CFTR: variants seen among roughly 807,000 people sequenced by gnomAD.
CFTR encodes CF transmembrane conductance regulator.
In CFTR, 181 loss-of-function variants were observed where a neutral mutation model predicts 171.6. The observed-to-expected ratio is 1.05, with a 90% CI of 0.93 to 1.19. The LOEUF (loss-of-function observed/expected upper bound fraction) is 1.19, where lower values mean the gene tolerates loss of function less well. Ranked by LOEUF, CFTR falls within the 50% of genes most tolerant of loss-of-function variation. The probability of loss-of-function intolerance (pLI) is 0.00; values close to 1 mark genes in which losing one functional copy is unlikely to be tolerated. For synonymous variants in CFTR, 583 were observed against 608.0 expected, an observed-to-expected ratio of 0.96 and a Z score of 0.60; for missense variants, 1,968 against 1,734.7, an observed-to-expected ratio of 1.13 and a Z score of -2.39.
chr7:117,614,313 T>C (rs1792449655), intron 20 of CFTR, among the ~76,000 whole-genome samples: 1 of 152,112 alleles, frequency 6.6e-6, no homozygotes, highest in Non-Finnish European at 1.5e-5. Context: ...AAGAGACAAA[T>C]ATGGTACCTA....
At chr7:117,548,596 T>C (rs1460962188) in intron 9 of CFTR, 45 bp from the exon 10 acceptor site, 9 of 1,581,988 alleles carry the variant, frequency 5.7e-6, no homozygotes, top group Non-Finnish European at 7.7e-6. Context: ...AAACTCATCT[T>C]TTATTTTTGA....
intron 24 of CFTR, among the ~76,000 whole-genome samples, chr7:117,653,417 A>G (rs1793117335): frequency 6.6e-6 from 1 of 152,156 alleles, no homozygotes; most frequent in Non-Finnish European, 1.5e-5. Flanking sequence ...GTCTCGTGAG[A>G]GCATACTTCC....
chr7:117,488,412 C>T lies in CFTR; in HGVS notation c.53+8265C>T, dbSNP rs553342526. Among the ~76,000 whole-genome samples, 115 of 152,060 alleles carry T rather than the reference C, an allele frequency of 7.6e-4. No individual in the cohort carries two copies. In the South Asian group the frequency reaches 0.023, roughly 30 times the overall value. On this transcript the variant is annotated intron_variant, in intron 1 of 26. Transcript: ENST00000003084. ...AAAGTAAGTGAAACATTTAGACATGCAAAATGGACTTTTCAGAAGAAGAAA... is the reference window on the plus strand; with the variant it reads ...AAAGTAAGTGAAACATTTAGACATGTAAAATGGACTTTTCAGAAGAAGAAA...
Position 117,585,970 on chromosome 7 carries a change from G to A in CFTR, c.1585-1769G>A, listed in dbSNP as rs1037190192. Among the ~76,000 whole-genome samples the A allele has an allele frequency of 1.2e-4, 19 of 152,144 alleles. No homozygotes were observed. In the East Asian group the frequency reaches 1.3e-3, roughly 11 times the overall value. ...GATTTAGTTTTTAAAAAGAGAATAC[G>A]ATTTGAAAAAGGAAAAATGTGAGGC... is the stretch of plus-strand genomic sequence containing the variant. On this transcript the variant is annotated intron_variant, in intron 11 of 26. Coordinates refer to ENST00000003084, the MANE Select transcript of CFTR (RefSeq NM_000492.4).
chr7:117,605,533 T>C (rs1330286305), intron 17 of CFTR, among the ~76,000 whole-genome samples: 1 of 152,194 alleles, frequency 6.6e-6, no homozygotes, highest in Non-Finnish European at 1.5e-5. Flanking sequence ...ATAGTCATTA[T>C]AACAGAGGTG....
chr7:117,513,789 C>G (rs980234825), intron 3 of CFTR, among the ~76,000 whole-genome samples: 1 of 152,104 alleles, frequency 6.6e-6, no homozygotes, highest in African/African-American at 2.4e-5. Context: ...TTCTGTCTCA[C>G]CCCCTTATCT....
chr7:117,503,384 C>G (rs907046245), intron 1 of CFTR, among the ~76,000 whole-genome samples: 1 of 152,178 alleles, frequency 6.6e-6, no homozygotes, highest in Non-Finnish European at 1.5e-5. Flanking sequence ...AGAAAGCTCT[C>G]GTGCTCTCGA....
Position 117,533,262 on chromosome 7 carries a change from C to T in CFTR, c.490-1014C>T, listed in dbSNP as rs182693624. 6.5e-4 allele frequency among the ~76,000 whole-genome samples: 99 copies of T among 152,114 alleles called. 3 individuals are homozygous for T. The highest frequency in any genetic ancestry group is 6.8e-3 in the Middle Eastern group (2 of 294). ...TCTGATAATGTTTTGGAATTAACTG[C>T]CTTGATTCCTTCTTTTCTCTGCTTG... On this transcript the variant is annotated intron_variant, in intron 4 of 26. Transcript: ENST00000003084.
intron 1 of CFTR, among the ~76,000 whole-genome samples, chr7:117,491,481 A>G (rs554453681): frequency 6.6e-6 from 1 of 152,238 alleles, no homozygotes; most frequent in East Asian, 1.9e-4. Context: ...TTTGAAGACT[A>G]GAAGTACAAG....
intron 3 of CFTR, among the ~76,000 whole-genome samples, chr7:117,524,173 T>C (rs1026589098): frequency 7.9e-5 from 12 of 152,202 alleles, no homozygotes; most frequent in Admixed American, 7.2e-4. Flanking sequence ...ATATAAAGAA[T>C]TGACTTTATA....
At chr7:117,587,672 A>G in intron 11 of CFTR, 67 bp from the exon 12 acceptor site, 1 of 898,642 alleles carries the variant, frequency 1.1e-6, no homozygotes, top group Non-Finnish European at 1.9e-6. Flanking sequence ...TAGAAGGAAG[A>G]TGTGCCTTTC....
At chr7:117,585,215 C>A (rs945024065) in intron 11 of CFTR, among the ~76,000 whole-genome samples, 10 of 151,516 alleles carry the variant, frequency 6.6e-5, no homozygotes, top group Non-Finnish European at 4.4e-5. Context: ...TATTTATTTT[C>A]TTCTATGTAC....
At chr7:117,556,296 C>T (rs1394726875) in intron 10 of CFTR, among the ~76,000 whole-genome samples, 2 of 151,908 alleles carry the variant, frequency 1.3e-5, no homozygotes, top group Non-Finnish European at 2.9e-5. Flanking sequence ...ATCTCTTGAC[C>T]TCATGATCTG....
intron 3 of CFTR, among the ~76,000 whole-genome samples, chr7:117,517,334 T>C (rs995814600): frequency 6.6e-6 from 1 of 152,172 alleles, no homozygotes; most frequent in Non-Finnish European, 1.5e-5. Context: ...TGTGTTAGTT[T>C]GCTGAGAATG....
chr7:117,559,461 C>A lies in CFTR; in HGVS notation c.1393-3C>A, dbSNP rs748694761. The A allele has an allele frequency of 2.5e-6, 4 of 1,592,420 alleles. No individual in the cohort carries two copies. The East Asian group carries it at 6.7e-5, about 27-fold the overall frequency. On this transcript the variant is annotated splice_region_variant and splice_polypyrimidine_tract_variant and intron_variant, in intron 10 of 26. Coordinates refer to ENST00000003084, the MANE Select transcript of CFTR (RefSeq NM_000492.4). ...ACCTAATAATGATGGGTTTTATTTC[C>A]AGACTTCACTTCTAATGGTGATTAT...
At chr7:117,503,057 C>A (rs1798357311) in intron 1 of CFTR, among the ~76,000 whole-genome samples, 1 of 152,178 alleles carries the variant, frequency 6.6e-6, no homozygotes, top group Admixed American at 6.5e-5. Flanking sequence ...ATGAGGGCCA[C>A]TGGCAAAGTT....
At chr7:117,571,611 A>T (rs550054785) in intron 11 of CFTR, among the ~76,000 whole-genome samples, 235 of 152,282 alleles carry the variant, frequency 1.5e-3, no homozygotes, top group African/African-American at 5.1e-3. Flanking sequence ...AAAATAAAAT[A>T]GTTTGTTTGT....
chr7:117,644,711 T>C (rs568267843), intron 23 of CFTR, among the ~76,000 whole-genome samples: 1 of 152,280 alleles, frequency 6.6e-6, no homozygotes, highest in South Asian at 2.1e-4. Context: ...TTTTGTTTTG[T>C]TTTATTAATG....
chr7:117,587,428 G>T (rs968068110), intron 11 of CFTR, among the ~76,000 whole-genome samples: 2 of 128,592 alleles, frequency 1.6e-5, no homozygotes, highest in African/African-American at 5.8e-5. Flanking sequence ...TGGACCTATG[G>T]ATGATCTACA....
Sources: allele counts gnomAD v4.1 joint callset (sites outside exome capture counted in the v4.1 genomes callset), GRCh38; gene constraint gnomAD v4.1.1; transcripts MANE v1.5; gene names NCBI Gene and HGNC (gene_info 2026-07-23, HGNC 2026-07-21).